Variants in SCLT1 observed in about 807,000 individuals in gnomAD.
The protein encoded by SCLT1 is sodium channel and clathrin linker 1.
SCLT1 carries 78 observed loss-of-function variants against 112.8 expected under a neutral mutation model. That is an observed-to-expected ratio of 0.69 (90% CI 0.58 to 0.83). The LOEUF (loss-of-function observed/expected upper bound fraction) is 0.83. SCLT1 is among the 40% of genes least tolerant of loss of function. The pLI, the probability that SCLT1 is intolerant of heterozygous loss-of-function variation, is 0.00. For synonymous variants in SCLT1, 257 were observed against 254.7 expected (o/e 1.01, Z -0.09); for missense variants, 747 against 770.4 (o/e 0.97, Z 0.36).
chr4:129,022,401 A>G (rs1217915517), intron 5 of SCLT1, among the ~76,000 whole-genome samples: 1 of 152,240 alleles, frequency 6.6e-6, no homozygotes, highest in Non-Finnish European at 1.5e-5. Flanking sequence ...AACCTTGACA[A>G]AAGTTTACAG....
rs528905688 is a variant in SCLT1, at chr4:129,053,557, A to ATTTTTTTTTT, written c.103-9516_103-9507dup. On this transcript the variant is annotated intron_variant, in intron 2 of 20. Coordinates refer to ENST00000281142, the MANE Select transcript of SCLT1 (RefSeq NM_144643.4). ...TTAGAGACTAGGATTGCAATCCCTG[A>ATTTTTTTTTT]TTTTTTTTTTTTTTTTTTTTTTTTT... Among the ~76,000 whole-genome samples, 22 of 45,236 alleles carry ATTTTTTTTTT rather than the reference A, an allele frequency of 4.9e-4. 1 individual carries two copies. Among genetic ancestry groups the ATTTTTTTTTT allele is most frequent in the East Asian group, 7.4e-4 (1 of 1,348 alleles). The allele number at this position is 45,236 out of a possible 152,430, so 29.7% of individuals were successfully genotyped here.
intron 1 of SCLT1, among the ~76,000 whole-genome samples, chr4:129,088,558 GA>G (rs1459569988): frequency 6.6e-6 from 1 of 152,120 alleles, no homozygotes; most frequent in African/African-American, 2.4e-5. Flanking sequence ...CATCCAAATT[GA>G]AAAGAAATAA....
chr4:128,985,345 A>T (rs1389776420), intron 9 of SCLT1, among the ~76,000 whole-genome samples: 1 of 152,182 alleles, frequency 6.6e-6, no homozygotes, highest in East Asian at 1.9e-4. Context: ...TGATCAATAC[A>T]CACTATTGTT....
chr4:129,025,940 A>C (rs970542520), intron 5 of SCLT1, among the ~76,000 whole-genome samples: 5 of 152,268 alleles, frequency 3.3e-5, no homozygotes, highest in African/African-American at 1.2e-4. Context: ...ACAAAGATCA[A>C]AAGAGACAAA....
At chr4:128,892,753 G>A (rs186764674) in intron 18 of SCLT1, among the ~76,000 whole-genome samples, 3 of 152,302 alleles carry the variant, frequency 2.0e-5, no homozygotes, top group Non-Finnish European at 2.9e-5. Context: ...GACAGACTAC[G>A]AGGGAGATCA....
intron 14 of SCLT1, chr4:128,952,496 T>C (rs1381212962): frequency 3.7e-6 from 2 of 544,450 alleles, no homozygotes; most frequent in East Asian, 4.3e-5. Flanking sequence ...CAGCATATGA[T>C]AGGAGCTACA....
chr4:129,026,686 GAAATAA>G (rs1746121918), intron 5 of SCLT1, among the ~76,000 whole-genome samples: 1 of 152,066 alleles, frequency 6.6e-6, no homozygotes. Context: ...CAGAAGGCAA[GAAATAA>G]CTAAGATCAG....
At chr4:129,089,029 T>C (rs1004483325) in intron 1 of SCLT1, among the ~76,000 whole-genome samples, 3 of 152,180 alleles carry the variant, frequency 2.0e-5, no homozygotes, top group African/African-American at 7.2e-5. Flanking sequence ...GAAGAGCTTC[T>C]ACACAGCAAA....
intron 18 of SCLT1, among the ~76,000 whole-genome samples, chr4:128,910,883 G>A (rs536658960): frequency 3.3e-5 from 5 of 150,256 alleles, no homozygotes; most frequent in Non-Finnish European, 7.4e-5. Flanking sequence ...ATCTATCCTT[G>A]TGCCAATACT....
rs1287441389 is a variant in SCLT1 at position 129,045,751 on chromosome 4, T to C, written c.103-1700A>G. 2.0e-5 allele frequency among the ~76,000 whole-genome samples: 3 copies of C among 151,902 alleles called. No individual in the cohort carries two copies. The East Asian group carries it at 5.8e-4, about 29-fold the overall frequency. ...TTATGATCACATACATATTAAAGAG[T>C]AATTTAAAAATATAACTCAAAGAAG... On this transcript the variant is annotated intron_variant, in intron 2 of 20. Coordinates refer to ENST00000281142, the MANE Select transcript of SCLT1 (RefSeq NM_144643.4).
At chr4:129,091,614 A>C (rs1205440994) in intron 1 of SCLT1, among the ~76,000 whole-genome samples, 1 of 152,116 alleles carries the variant, frequency 6.6e-6, no homozygotes, top group Non-Finnish European at 1.5e-5. Flanking sequence ...CTGCAAACCT[A>C]AGAAATAATG....
At chr4:129,029,634 A>G (rs1354572614) in intron 5 of SCLT1, among the ~76,000 whole-genome samples, 1 of 152,052 alleles carries the variant, frequency 6.6e-6, no homozygotes, top group African/African-American at 2.4e-5. Flanking sequence ...ATACGTAACC[A>G]ATCTGCACAT....
At chr4:129,021,823 A>C (rs1288880422) in intron 5 of SCLT1, among the ~76,000 whole-genome samples, 1 of 152,238 alleles carries the variant, frequency 6.6e-6, no homozygotes, top group Non-Finnish European at 1.5e-5. Context: ...AGCTCTGCTA[A>C]GGGACAGACT....
At chr4:128,946,687 G>C (rs1027392916) in intron 15 of SCLT1, among the ~76,000 whole-genome samples, 3 of 152,184 alleles carry the variant, frequency 2.0e-5, no homozygotes, top group African/African-American at 7.2e-5. Context: ...GATAACCACT[G>C]GTGATTCTTT....
At chr4:129,076,132 A>G (rs1751443642) in intron 2 of SCLT1, among the ~76,000 whole-genome samples, 1 of 152,086 alleles carries the variant, frequency 6.6e-6, no homozygotes, top group South Asian at 2.1e-4. Context: ...TGTAATTTTA[A>G]TTATTTCATT....
intron 9 of SCLT1, among the ~76,000 whole-genome samples, chr4:128,983,881 T>G (rs1579594334): frequency 6.6e-6 from 1 of 152,178 alleles, no homozygotes; most frequent in South Asian, 2.1e-4. Context: ...CATGGCTATA[T>G]AGAGCATCTC....
intron 12 of SCLT1, among the ~76,000 whole-genome samples, chr4:128,958,696 T>C (rs528605473): frequency 7.9e-5 from 12 of 152,298 alleles, no homozygotes; most frequent in Non-Finnish European, 1.3e-4. Flanking sequence ...CCCAAGCATA[T>C]TATGTCTATT....
At chr4:128,946,894 G>A (rs1453189070) in intron 15 of SCLT1, among the ~76,000 whole-genome samples, 4 of 152,030 alleles carry the variant, frequency 2.6e-5, no homozygotes. Context: ...CCATGCAATG[G>A]GGCTCCCTCT....
intron 2 of SCLT1, among the ~76,000 whole-genome samples, chr4:129,077,226 A>T (rs1169892457): frequency 2.0e-5 from 3 of 151,674 alleles, no homozygotes; most frequent in Non-Finnish European, 4.4e-5. Context: ...CACCTAACAA[A>T]GTTTATATAG....
Sources: allele counts gnomAD v4.1 joint callset (sites outside exome capture counted in the v4.1 genomes callset), GRCh38; gene constraint gnomAD v4.1.1; transcripts MANE v1.5; gene names NCBI Gene and HGNC (gene_info 2026-07-23, HGNC 2026-07-21).